Variants in SUV39H2 observed in about 807,000 individuals in gnomAD.
SUV39H2 encodes the protein histone-lysine N-methyltransferase SUV39H2.
In SUV39H2, 10 loss-of-function variants were observed where a neutral mutation model predicts 47.5. The ratio of observed to expected loss-of-function variants is 0.21; its 90% confidence interval spans 0.13 to 0.36. SUV39H2 has a LOEUF of 0.36. SUV39H2 is among the 10% of genes least tolerant of loss of function. The pLI, the probability that SUV39H2 is intolerant of heterozygous loss-of-function variation, is 1.00. For missense variants in SUV39H2, 266 were observed against 487.4 expected (o/e 0.55, Z 4.28); for synonymous variants, 159 against 166.8 (o/e 0.95, Z 0.36).
intron 3 of SUV39H2, 75 bp from the exon 4 acceptor site, chr10:14,899,464 A>T (rs1276407274): frequency 1.3e-6 from 2 of 1,485,296 alleles, no homozygotes; most frequent in East Asian, 2.3e-5. Flanking sequence ...AGGTATTCGC[A>T]TATTAGTAGA....
chr10:14,901,254 A>T lies in SUV39H2; in HGVS notation c.1118A>T (p.Gln373Leu). 6.2e-7 allele frequency: 1 copy of T among 1,613,888 alleles called. No individual in the cohort carries two copies. Among genetic ancestry groups the T allele is most frequent in the Non-Finnish European group, 8.5e-7 (1 of 1,179,862 alleles). Residue 373 changes from glutamine (Q) to leucine (L), a missense_variant, in exon 5 of 6, where the codon CAA becomes CTA. Gln to Leu is a moderately radical substitution (Grantham distance 113, BLOSUM62 -2). Transcript: ENST00000354919. ...NAGEELTFDYQMKGSGDISSD... is the reference protein window; with the variant it reads ...NAGEELTFDYLMKGSGDISSD... ...GGAGAAGAGCTGACTTTTGATTATC[A>T]AATGAAAGGTATGCTTTTCAAGTAC... is the stretch of plus-strand genomic sequence containing the variant.
chr10:14,889,887 A>C (rs1833333072), intron 2 of SUV39H2, among the ~76,000 whole-genome samples: 1 of 152,116 alleles, frequency 6.6e-6, no homozygotes. Flanking sequence ...TTGCTACATC[A>C]CCCCTTCATA....
chr10:14,894,203 T>C (rs1328741881), intron 2 of SUV39H2, among the ~76,000 whole-genome samples: 1 of 149,774 alleles, frequency 6.7e-6, no homozygotes, highest in Non-Finnish European at 1.5e-5. Flanking sequence ...ATTTGACAAA[T>C]ACTAAAATGT....
intron 2 of SUV39H2, among the ~76,000 whole-genome samples, chr10:14,890,495 C>T (rs1386898350): frequency 2.0e-5 from 3 of 152,162 alleles, no homozygotes; most frequent in Non-Finnish European, 4.4e-5. Flanking sequence ...CAGGCTCAAA[C>T]GATCCTCGCA....
Position 14,897,002 on chromosome 10 carries a change from C to A in SUV39H2, c.334C>A (p.Pro112Thr). The change falls in exon 3 of 6, where the codon CCA becomes ACA. Residue 112 changes from proline (P) to threonine (T), a missense_variant. Pro to Thr is a conservative substitution (Grantham distance 38). Transcript: ENST00000354919. The stretch of plus-strand genomic sequence containing the variant: ...GGTAAAGAAAGGCAAAGCAATAACT[C>A]CAAAAGACAATAACAAAACTTTGAA... ...SQVKKGKAIT[P>T]KDNNKTLKPA... is the part of the protein sequence containing the mutation. The A allele has an allele frequency of 6.2e-7, 1 of 1,613,904 alleles. No individual in the cohort carries two copies. Among genetic ancestry groups the A allele is most frequent in the Non-Finnish European group, 8.5e-7 (1 of 1,179,984 alleles).
chr10:14,885,149 GT>G (rs1833165108), intron 2 of SUV39H2, among the ~76,000 whole-genome samples: 1 of 152,054 alleles, frequency 6.6e-6, no homozygotes, highest in Non-Finnish European at 1.5e-5. Flanking sequence ...TTTCCCAGTG[GT>G]TTCTACTTGT....
At chr10:14,885,799 T>TA (rs1269193991) in intron 2 of SUV39H2, among the ~76,000 whole-genome samples, 2 of 152,232 alleles carry the variant, frequency 1.3e-5, no homozygotes, top group Non-Finnish European at 2.9e-5. Flanking sequence ...TGAAGGATCT[T>TA]ATGACCTTGT....
At chr10:14,891,727 G>A (rs1249157504) in intron 2 of SUV39H2, among the ~76,000 whole-genome samples, 2 of 152,188 alleles carry the variant, frequency 1.3e-5, no homozygotes, top group Admixed American at 1.3e-4. Flanking sequence ...GATTCACCAT[G>A]ATAAGGAATA....
chr10:14,890,748 A>AT (rs1564338128), intron 2 of SUV39H2, among the ~76,000 whole-genome samples: 3 of 152,118 alleles, frequency 2.0e-5, no homozygotes, highest in Non-Finnish European at 4.4e-5. Context: ...GAAAGACAAA[A>AT]TTTTTTTGTA....
chr10:14,899,097 C>T (rs1051336021), intron 3 of SUV39H2: 1 of 624,850 alleles, frequency 1.6e-6, no homozygotes, highest in East Asian at 2.7e-5. Context: ...AGGCTGGAGG[C>T]TCACTTGAGC....
intron 2 of SUV39H2, among the ~76,000 whole-genome samples, chr10:14,892,853 C>T (rs1478679917): frequency 6.7e-6 from 1 of 149,424 alleles, no homozygotes; most frequent in Non-Finnish European, 1.5e-5. Flanking sequence ...CTCGCGCTGT[C>T]ACTCAGACTG....
intron 2 of SUV39H2, among the ~76,000 whole-genome samples, chr10:14,882,440 C>T (rs1833066046): frequency 6.6e-6 from 1 of 152,226 alleles, no homozygotes; most frequent in Non-Finnish European, 1.5e-5. Context: ...TCAGTGGGAT[C>T]TTATGCCCAT....
intron 2 of SUV39H2, among the ~76,000 whole-genome samples, chr10:14,889,553 T>G (rs1427077912): frequency 7.2e-5 from 11 of 152,216 alleles, no homozygotes; most frequent in Admixed American, 2.0e-4. Flanking sequence ...TCTTTTCATG[T>G]CTGCATCCAC....
chr10:14,878,926 C>T lies in SUV39H2; in HGVS notation c.31+7C>T, dbSNP rs1468244905. 7 of 1,470,448 alleles carry T rather than the reference C, an allele frequency of 4.8e-6. No individual in the cohort carries two copies. Among genetic ancestry groups the T allele is most frequent in the East Asian group, 5.9e-5 (2 of 33,730 alleles). 91.1% of individuals were successfully genotyped at this position (1,470,448 alleles called of 1,614,324 possible). A position where few individuals can be genotyped will look rare whatever the true frequency, so the allele number is the denominator to read the frequency against. ...GGGGCCGAGGCGCGAGGAGGTGAGGCTGGAGCGCGGCCCCCTCGCCTTCCC... is the reference window on the plus strand; with the variant it reads ...GGGGCCGAGGCGCGAGGAGGTGAGGTTGGAGCGCGGCCCCCTCGCCTTCCC... On this transcript the variant is annotated splice_region_variant and intron_variant, in intron 1 of 5. Coordinates refer to ENST00000354919, the MANE Select transcript of SUV39H2 (RefSeq NM_001193424.2).
chr10:14,899,488 GCTT>G, intron 3 of SUV39H2, 48 bp from the exon 4 acceptor site: 1 of 1,590,424 alleles, frequency 6.3e-7, no homozygotes, highest in Non-Finnish European at 8.6e-7. Context: ...GTAGATGAAT[GCTT>G]CTTTGGTTCA....
At chr10:14,879,205 T>G in intron 1 of SUV39H2, 1 of 1,019,364 alleles carries the variant, frequency 9.8e-7, no homozygotes. Flanking sequence ...CCCCTCCGCG[T>G]CTCCCGTGGC....
chr10:14,884,472 T>G (rs1833143274), intron 2 of SUV39H2, among the ~76,000 whole-genome samples: 1 of 152,212 alleles, frequency 6.6e-6, no homozygotes, highest in Non-Finnish European at 1.5e-5. Context: ...TTTGGAGAAA[T>G]GTCTGTTCAG....
intron 2 of SUV39H2, among the ~76,000 whole-genome samples, chr10:14,890,459 C>G (rs920745530): frequency 2.8e-4 from 43 of 152,220 alleles, no homozygotes; most frequent in African/African-American, 9.2e-4. Context: ...GTAGCCTGAT[C>G]TTGGCTCACT....
chr10:14,899,952 T>G (rs1484221024), intron 4 of SUV39H2, among the ~76,000 whole-genome samples: 1 of 152,216 alleles, frequency 6.6e-6, no homozygotes, highest in Non-Finnish European at 1.5e-5. Flanking sequence ...AGTAACTTTG[T>G]ACGGTAGGTA....
Sources: allele counts gnomAD v4.1 joint callset (sites outside exome capture counted in the v4.1 genomes callset), GRCh38; gene constraint gnomAD v4.1.1; transcripts MANE v1.5; gene names NCBI Gene and HGNC (gene_info 2026-07-23, HGNC 2026-07-21).